The following TLL2 variants were observed in gnomAD, a reference collection of about 807,000 sequenced individuals.
The protein encoded by TLL2 is tolloid like 2, also known as tolloid-like protein 2.
A neutral mutation model predicts 123.0 loss-of-function variants in TLL2; 106 were observed. That is an observed-to-expected ratio of 0.86 (90% confidence interval 0.74 to 1.01). The LOEUF (loss-of-function observed/expected upper bound fraction) is 1.01, where lower values mean the gene tolerates loss of function less well. Among genes scored for constraint, TLL2 ranks in the 50% least tolerant of loss-of-function variants. The pLI is 0.00. For missense variants in TLL2, 1,332 were observed against 1,336.7 expected, an observed-to-expected ratio of 1.00 and a Z score of 0.06; for synonymous variants, 494 against 516.8, an observed-to-expected ratio of 0.96 and a Z score of 0.60.
At chr10:96,484,661 T>C (rs1485425900) in intron 1 of TLL2, among the ~76,000 whole-genome samples, 2 of 151,802 alleles carry the variant, frequency 1.3e-5, no homozygotes, top group African/African-American at 4.8e-5. Context: ...TCAATAGATA[T>C]AATCTTTCTT....
At chr10:96,369,141 G>A (rs1211940871) in intron 20 of TLL2, among the ~76,000 whole-genome samples, 3 of 152,202 alleles carry the variant, frequency 2.0e-5, no homozygotes, top group East Asian at 3.9e-4. Flanking sequence ...GAAAGGAGGG[G>A]GCTGGTGCCC....
intron 3 of TLL2, among the ~76,000 whole-genome samples, chr10:96,442,500 G>A (rs535741670): frequency 3.9e-4 from 59 of 152,350 alleles, no homozygotes; most frequent in Middle Eastern, 6.8e-3. Context: ...CTCACTTCGA[G>A]ATTTCCTTCC....
intron 1 of TLL2, among the ~76,000 whole-genome samples, chr10:96,507,277 G>C (rs1477689384): frequency 9.6e-6 from 1 of 103,928 alleles, no homozygotes; most frequent in Non-Finnish European, 2.0e-5. Context: ...GTTCCTCAGG[G>C]GCTAAGGCCA....
Position 96,370,150 on chromosome 10 carries a change from T to G in TLL2, c.2828A>C (p.Glu943Ala). 3 of 1,614,018 alleles carry G rather than the reference T, an allele frequency of 1.9e-6. No individual in the cohort carries two copies. The highest frequency in any genetic ancestry group is 2.5e-6 in the Non-Finnish European group (3 of 1,179,954). ...LTFRTFEVEE[E>A]ADCGYDYMEA... ...CATGTAGTCGTAGCCGCAGTCGGCC[T>G]CCTCCTCAACCTCAAAGGTCCGGAA... The change falls in exon 20 of 21, where the codon GAG becomes GCG. Residue 943 changes from glutamate (E) to alanine (A), a missense_variant. Physicochemically the swap from Glu to Ala is moderately radical, Grantham distance 107. Coordinates refer to ENST00000357947, the MANE Select transcript of TLL2 (RefSeq NM_012465.4).
At chr10:96,432,706 A>C in intron 4 of TLL2, 101 bp downstream of exon 4, 1 of 1,468,212 alleles carries the variant, frequency 6.8e-7, no homozygotes, top group Non-Finnish European at 9.2e-7. Context: ...GTGGTCCCTA[A>C]CATCTGCTCC....
At chr10:96,439,430 G>GTC (rs375313964) in intron 3 of TLL2, among the ~76,000 whole-genome samples, 6 of 150,532 alleles carry the variant, frequency 4.0e-5, no homozygotes, top group East Asian at 3.9e-4. Flanking sequence ...ACTTGCCTGG[G>GTC]TCTCTCTCTC....
chr10:96,387,030 C>T lies in TLL2; in HGVS notation c.1775G>A (p.Cys592Tyr). 5.0e-6 allele frequency: 8 copies of T among 1,614,048 alleles called. No individual in the cohort carries two copies. The highest frequency in any genetic ancestry group is 5.1e-6 in the Non-Finnish European group (6 of 1,180,048). Residue 592 changes from cysteine (C) to tyrosine (Y), a missense_variant, in exon 14 of 21, where the codon TGT becomes TAT. By Grantham distance (194) the Cys-to-Tyr change is radical. Transcript: ENST00000357947. ...CTTGTAGCTGCCCAGCGTGTTCACA[C>T]AGCGATGCTCGCACCCGCCGTGATC... ...WPDHGGCEHRCVNTLGSYKCA... is the reference protein window; with the variant it reads ...WPDHGGCEHRYVNTLGSYKCA...
chr10:96,488,066 TAA>T (rs772388815), intron 1 of TLL2, among the ~76,000 whole-genome samples: 4 of 152,178 alleles, frequency 2.6e-5, no homozygotes, highest in Non-Finnish European at 5.9e-5. Context: ...CAAGTGTGAA[TAA>T]AGAGTCATAA....
chr10:96,416,137 T>C (rs2134072942), intron 7 of TLL2, among the ~76,000 whole-genome samples: 1 of 152,284 alleles, frequency 6.6e-6, no homozygotes, highest in South Asian at 2.1e-4. Context: ...CTAAATTCAA[T>C]CATTAGCTAC....
In TLL2 at chr10:96,416,792, C is replaced by T. The variant is rs57429148; in HGVS notation, c.924-3476G>A. On this transcript the variant is annotated intron_variant, in intron 7 of 20. Transcript: ENST00000357947. ...GAGCCGTCCCCTGTGTAAACCACAG[C>T]GGTGACGTTCCTTCCCTCTTTCATG... Among the ~76,000 whole-genome samples, 686 of 152,308 alleles carry T rather than the reference C, an allele frequency of 4.5e-3. 5 individuals are homozygous for T. The highest frequency in any genetic ancestry group is 0.015 in the African/African-American group (637 of 41,560).
Position 96,365,263 on chromosome 10 carries a change from G to T in TLL2, c.*2825C>A, listed in dbSNP as rs995901420. 1 of 152,218 alleles carries T rather than the reference G, an allele frequency of 6.6e-6. No homozygotes were observed. The highest frequency in any genetic ancestry group is 2.4e-5 in the African/African-American group (1 of 41,446). The allele number at this position is 152,218 out of a possible 1,614,324, so 9.4% of individuals were successfully genotyped here. A position where few individuals can be genotyped will look rare whatever the true frequency, so the allele number is the denominator to read the frequency against. Reference sequence around the variant, plus strand: ...AATAAAAAGGAAACTTCACCTTACAGGTAAATACCTCTAAATATTTACCTT... The same window carrying T: ...AATAAAAAGGAAACTTCACCTTACATGTAAATACCTCTAAATATTTACCTT... On this transcript the variant is annotated 3_prime_UTR_variant, in exon 21 of 21. Transcript: ENST00000357947.
chr10:96,506,807 C>T (rs2134117175), intron 1 of TLL2, among the ~76,000 whole-genome samples: 1 of 152,222 alleles, frequency 6.6e-6, no homozygotes, highest in South Asian at 2.1e-4. Context: ...CACTACACTA[C>T]TGGGCGGGAG....
Position 96,370,134 on chromosome 10 carries a change from G to T in TLL2, c.2844C>A (p.Tyr948Ter), listed in dbSNP as rs770297618. 12 of 1,613,974 alleles carry T rather than the reference G, an allele frequency of 7.4e-6. No homozygotes were observed. Among genetic ancestry groups the T allele is most frequent in the South Asian group, 1.1e-5 (1 of 91,034 alleles). ...AGCCGTCGTAGGCTTCCATGTAGTC[G>T]TAGCCGCAGTCGGCCTCCTCCTCAA... ...FEVEEEADCG[Y>*]DYMEAYDGYD... is the part of the protein sequence containing the mutation. The change falls in exon 20 of 21, where the codon TAC (tyrosine) becomes TAA (stop). Residue 948 changes from tyrosine (Y) to a stop codon, truncating the protein, a stop_gained. Transcript: ENST00000357947. LOFTEE classifies it high-confidence loss of function.
intron 10 of TLL2, among the ~76,000 whole-genome samples, chr10:96,401,151 G>A (rs1297579919): frequency 3.3e-5 from 5 of 152,130 alleles, no homozygotes. Flanking sequence ...ACTACAAGTG[G>A]GCTCCATGGG....
chr10:96,403,930 A>C (rs906890053), intron 10 of TLL2, among the ~76,000 whole-genome samples: 1 of 152,130 alleles, frequency 6.6e-6, no homozygotes, highest in South Asian at 2.1e-4. Flanking sequence ...AGAGAAACAT[A>C]AATCTGGCCT....
At chr10:96,374,316 A>C (rs183946359) in intron 18 of TLL2, 1 of 162,332 alleles carries the variant, frequency 6.2e-6, no homozygotes, top group African/African-American at 2.4e-5. Context: ...AGGTGAGGAA[A>C]ATGAGGCTCA....
At chr10:96,409,148 C>G (rs1336127185) in intron 9 of TLL2, among the ~76,000 whole-genome samples, 9 of 152,242 alleles carry the variant, frequency 5.9e-5, no homozygotes, top group Non-Finnish European at 1.3e-4. Flanking sequence ...CCACTGCCAC[C>G]CCTAGCTGCA....
intron 16 of TLL2, among the ~76,000 whole-genome samples, chr10:96,383,571 C>T (rs547078648): frequency 3.1e-4 from 47 of 152,274 alleles, no homozygotes; most frequent in South Asian, 6.2e-4. Flanking sequence ...GAGGCCTCCC[C>T]AGCCATGTGA....
At chr10:96,512,656 G>A (rs1186978240) in intron 1 of TLL2, among the ~76,000 whole-genome samples, 1 of 152,396 alleles carries the variant, frequency 6.6e-6, no homozygotes, top group African/African-American at 2.4e-5. Context: ...ATCTCCCTGG[G>A]AGCGTGAGCG....
Sources: allele counts gnomAD v4.1 joint callset (sites outside exome capture counted in the v4.1 genomes callset), GRCh38; gene constraint gnomAD v4.1.1; transcripts MANE v1.5; gene names NCBI Gene and HGNC (gene_info 2026-07-23, HGNC 2026-07-21).